The following MID1 variants were observed in gnomAD, a reference collection of about 807,000 sequenced individuals.
The protein encoded by MID1 is E3 ubiquitin-protein ligase Midline-1.
A neutral mutation model predicts 40.4 loss-of-function variants in MID1; 7 were observed. That is an observed-to-expected ratio of 0.17 (90% CI 0.10 to 0.33). The LOEUF (loss-of-function observed/expected upper bound fraction) is 0.33. Among genes scored for constraint, MID1 ranks in the 10% least tolerant of loss-of-function variants. The pLI is 1.00. For synonymous variants in MID1, 229 were observed against 221.2 expected, an observed-to-expected ratio of 1.04 and a Z score of -0.31; for missense variants, 367 against 558.5, an observed-to-expected ratio of 0.66 and a Z score of 3.46.
intron 1 of MID1, among the ~76,000 whole-genome samples, chrX:10,739,706 A>G (rs1421994604): frequency 2.7e-5 from 3 of 112,267 alleles, no homozygotes; most frequent in Non-Finnish European, 5.6e-5. Context: ...TCAATGGAAG[A>G]GTGAAAATGT....
intron 1 of MID1, among the ~76,000 whole-genome samples, chrX:10,683,426 C>G (rs932209606): frequency 9.0e-6 from 1 of 111,001 alleles, no homozygotes; most frequent in Non-Finnish European, 1.9e-5. Context: ...TCTGTAGTTG[C>G]AGCTACTCGG....
intron 1 of MID1, among the ~76,000 whole-genome samples, chrX:10,691,162 C>T (rs2043129521): frequency 1.8e-5 from 2 of 112,288 alleles, no homozygotes; most frequent in Non-Finnish European, 3.8e-5. Flanking sequence ...TAGGAAGAAA[C>T]ATGAAATTAA....
intron 1 of MID1, among the ~76,000 whole-genome samples, chrX:10,628,330 C>A (rs746006185): frequency 3.6e-5 from 4 of 111,061 alleles, no homozygotes; most frequent in Non-Finnish European, 7.5e-5. Flanking sequence ...ATCTAAATAT[C>A]TGAGAAACTA....
intron 1 of MID1, among the ~76,000 whole-genome samples, chrX:10,598,200 A>G (rs903319254): frequency 9.8e-5 from 11 of 112,340 alleles, no homozygotes; most frequent in Non-Finnish European, 1.7e-4. Context: ...GAACACCAAA[A>G]GCAGCAGATT....
In MID1 at chrX:10,567,296, G is replaced by A; in HGVS notation, c.252C>T (p.Asp84=). Residue 84 remains aspartate (D), a synonymous_variant, in exon 2 of 10, where the codon GAC becomes GAT. Coordinates refer to ENST00000317552, the MANE Select transcript of MID1 (RefSeq NM_000381.4). Reference sequence around the variant, plus strand: ...CGCTCACTGATGCTTTCTGGAACCTGTCGATGATGTTCTGTAGGGTGACGT... The same window carrying A: ...CGCTCACTGATGCTTTCTGGAACCTATCGATGATGTTCTGTAGGGTGACGT... ...KRNVTLQNII[D]RFQKASVSGP... is the part of the protein sequence containing the mutation. The A allele has an allele frequency of 1.7e-6, 2 of 1,198,699 alleles. No homozygotes were observed. Among genetic ancestry groups the A allele is most frequent in the South Asian group, 3.7e-5 (2 of 54,626 alleles).
At chrX:10,449,974 T>C (rs1033184662) in intron 9 of MID1, among the ~76,000 whole-genome samples, 4 of 111,776 alleles carry the variant, frequency 3.6e-5, no homozygotes, top group Non-Finnish European at 7.5e-5. Flanking sequence ...GCTCAAACAC[T>C]ACGGAGAATT....
chrX:10,617,227 T>C, intron 1 of MID1, among the ~76,000 whole-genome samples: 1 of 112,144 alleles, frequency 8.9e-6, no homozygotes, highest in Non-Finnish European at 1.9e-5. Flanking sequence ...TTTCTCTGCC[T>C]TCGTCTCACC....
chrX:10,829,302 C>T (rs1182301947), intron 1 of MID1, among the ~76,000 whole-genome samples: 1 of 111,805 alleles, frequency 8.9e-6, no homozygotes, highest in African/African-American at 3.3e-5. Context: ...AATTCTGTCA[C>T]GTGTTAAAAC....
At chrX:10,565,003 A>T (rs1312475549) in intron 2 of MID1, among the ~76,000 whole-genome samples, 13 of 891 alleles carry the variant, frequency 0.015, no homozygotes, top group Admixed American at 0.038. Context: ...AAAAAGGGGT[A>T]AAAAAAAAAA....
intron 1 of MID1, among the ~76,000 whole-genome samples, chrX:10,786,352 A>G (rs1279174008): frequency 1.8e-5 from 2 of 110,668 alleles, no homozygotes; most frequent in Non-Finnish European, 3.8e-5. Context: ...AAATAGGAAC[A>G]CTTTTACACT....
intron 1 of MID1, among the ~76,000 whole-genome samples, chrX:10,699,736 T>G (rs2043183489): frequency 8.9e-6 from 1 of 112,000 alleles, no homozygotes; most frequent in Non-Finnish European, 1.9e-5. Context: ...AGTCTTCAAA[T>G]ATGTTAAAGC....
chrX:10,722,896 C>T (rs1250759579), intron 1 of MID1, among the ~76,000 whole-genome samples: 1 of 111,445 alleles, frequency 9.0e-6, no homozygotes, highest in Admixed American at 9.6e-5. Context: ...GGTTGTGTCT[C>T]ATGGTTGAGA....
chrX:10,595,553 A>T (rs1239879261), intron 1 of MID1, among the ~76,000 whole-genome samples: 1 of 111,794 alleles, frequency 8.9e-6, no homozygotes, highest in Non-Finnish European at 1.9e-5. Flanking sequence ...AATAAAATTT[A>T]AAAACATTAA....
At chrX:10,644,480 T>C (rs1311402074) in intron 1 of MID1, among the ~76,000 whole-genome samples, 2 of 110,628 alleles carry the variant, frequency 1.8e-5, no homozygotes, top group African/African-American at 6.6e-5. Flanking sequence ...TCATTATTCA[T>C]ATGTTTGAGT....
At chrX:10,535,399 T>C (rs1933208756) in intron 2 of MID1, among the ~76,000 whole-genome samples, 1 of 112,473 alleles carries the variant, frequency 8.9e-6, no homozygotes, top group Non-Finnish European at 1.9e-5. Context: ...GCAGCTTATA[T>C]GTATATAACA....
chrX:10,515,181 T>C (rs1932340092), intron 3 of MID1, among the ~76,000 whole-genome samples: 1 of 112,389 alleles, frequency 8.9e-6, no homozygotes, highest in Non-Finnish European at 1.9e-5. Flanking sequence ...ATTAAACAAA[T>C]GGTTCATCTT....
chrX:10,614,960 G>C (rs182535975), intron 1 of MID1, among the ~76,000 whole-genome samples: 10 of 111,898 alleles, frequency 8.9e-5, no homozygotes, highest in African/African-American at 3.2e-4. Context: ...AGTATTCCTA[G>C]ATTGGGGACT....
chrX:10,522,519 C>T (rs1441870804), intron 3 of MID1, among the ~76,000 whole-genome samples: 3 of 111,650 alleles, frequency 2.7e-5, no homozygotes, highest in African/African-American at 9.7e-5. Flanking sequence ...TTTTTTGAGA[C>T]GGAGTCTCCC....
At chrX:10,678,663 T>G (rs754492921) in intron 1 of MID1, among the ~76,000 whole-genome samples, 1 of 111,930 alleles carries the variant, frequency 8.9e-6, no homozygotes, top group Non-Finnish European at 1.9e-5. Flanking sequence ...ATCTCCTTCA[T>G]GTTTAATGAA....
Sources: allele counts gnomAD v4.1 joint callset (sites outside exome capture counted in the v4.1 genomes callset), GRCh38; gene constraint gnomAD v4.1.1; transcripts MANE v1.5; gene names NCBI Gene and HGNC (gene_info 2026-07-23, HGNC 2026-07-21).